The following WWOX variants were observed in gnomAD, a reference collection of about 807,000 sequenced individuals.
WWOX encodes WW domain containing oxidoreductase.
Under a neutral mutation model 46.2 loss-of-function variants are expected in WWOX, and 69 were observed. That is an observed-to-expected ratio of 1.49 (90% CI 1.23 to 1.82). The LOEUF (loss-of-function observed/expected upper bound fraction) is 1.82. WWOX is among the 40% of genes most tolerant of loss of function. WWOX has a pLI of 0.00. For synonymous variants in WWOX, 359 were observed against 202.6 expected, an observed-to-expected ratio of 1.77 and a Z score of -6.56; for missense variants, 919 against 542.6, an observed-to-expected ratio of 1.69 and a Z score of -6.89.
At chr16:78,722,812 A>G (rs965550157) in intron 8 of WWOX, among the ~76,000 whole-genome samples, 29 of 150,924 alleles carry the variant, frequency 1.9e-4, no homozygotes, top group African/African-American at 6.1e-4. Context: ...AGGCCAAGGC[A>G]GGAGGATTGC....
chr16:78,999,528 A>C (rs551240716), intron 8 of WWOX, among the ~76,000 whole-genome samples: 7 of 152,332 alleles, frequency 4.6e-5, no homozygotes, highest in African/African-American at 1.7e-4. Context: ...AATGATCTGC[A>C]TGGAGGAAAT....
chr16:78,681,196 C>G (rs2047720597), intron 8 of WWOX, among the ~76,000 whole-genome samples: 1 of 152,002 alleles, frequency 6.6e-6, no homozygotes, highest in Non-Finnish European at 1.5e-5. Context: ...TTGCATTGAG[C>G]CGAGATCATG....
At chr16:78,846,277 G>T (rs995195868) in intron 8 of WWOX, among the ~76,000 whole-genome samples, 5 of 152,186 alleles carry the variant, frequency 3.3e-5, no homozygotes, top group Admixed American at 6.6e-5. Context: ...ACCTTGTTAT[G>T]ATGCTATTAA....
chr16:78,537,819 G>T (rs2043795584), intron 8 of WWOX, among the ~76,000 whole-genome samples: 2 of 152,240 alleles, frequency 1.3e-5, no homozygotes, highest in South Asian at 2.1e-4. Context: ...GGGAGGGCCA[G>T]AACGATCCAC....
At chr16:78,710,098 T>C (rs764535328) in intron 8 of WWOX, among the ~76,000 whole-genome samples, 1 of 152,060 alleles carries the variant, frequency 6.6e-6, no homozygotes, top group Non-Finnish European at 1.5e-5. Flanking sequence ...CGTGTGTTTC[T>C]TTTTGCTGGC....
At chr16:78,801,054 C>T (rs2050872604) in intron 8 of WWOX, among the ~76,000 whole-genome samples, 1 of 151,816 alleles carries the variant, frequency 6.6e-6, no homozygotes, top group Admixed American at 6.6e-5. Flanking sequence ...TCTCTCTCTA[C>T]CTCTTTTTTT....
chr16:78,467,055 T>G (rs369861170), intron 8 of WWOX, among the ~76,000 whole-genome samples: 16 of 152,322 alleles, frequency 1.1e-4, no homozygotes, highest in East Asian at 3.9e-4. Flanking sequence ...TGCTATTGAT[T>G]AGTTATGTGT....
chr16:78,507,350 C>A lies in WWOX; in HGVS notation c.1056+74598C>A, dbSNP rs1467828323. On this transcript the variant is annotated intron_variant, in intron 8 of 8. Coordinates refer to ENST00000566780, the MANE Select transcript of WWOX (RefSeq NM_016373.4). ...ATCAATGCTTATTTTAAGCAACTGA[C>A]CCTTGGGATAAAAATAAAAAGTCAA... Among the ~76,000 whole-genome samples the A allele has an allele frequency of 4.6e-5, 7 of 152,266 alleles. No homozygotes were observed. In the South Asian group the frequency reaches 1.0e-3, roughly 23 times the overall value.
chr16:78,920,852 G>T (rs562087703), intron 8 of WWOX, among the ~76,000 whole-genome samples: 1 of 152,306 alleles, frequency 6.6e-6, no homozygotes, highest in African/African-American at 2.4e-5. Flanking sequence ...CCAGGGACTT[G>T]TTCAAAACTC....
chr16:78,644,586 C>G (rs2046796936), intron 8 of WWOX, among the ~76,000 whole-genome samples: 1 of 152,114 alleles, frequency 6.6e-6, no homozygotes, highest in African/African-American at 2.4e-5. Flanking sequence ...CTCAGCCTCC[C>G]AAGTACCTGG....
intron 8 of WWOX, among the ~76,000 whole-genome samples, chr16:78,682,341 C>T (rs992689042): frequency 6.6e-6 from 1 of 152,172 alleles, no homozygotes; most frequent in African/African-American, 2.4e-5. Context: ...AGATGGCTCA[C>T]ACCTTTCAGC....
At chr16:78,796,806 C>A (rs1228527178) in intron 8 of WWOX, among the ~76,000 whole-genome samples, 1 of 151,410 alleles carries the variant, frequency 6.6e-6, no homozygotes, top group Non-Finnish European at 1.5e-5. Context: ...AACCTTTGAT[C>A]CCATGTTTCT....
intron 8 of WWOX, among the ~76,000 whole-genome samples, chr16:78,438,578 C>G (rs964309253): frequency 1.3e-5 from 2 of 152,054 alleles, no homozygotes. Flanking sequence ...TGTCACTTGC[C>G]TCTTAGGAGT....
At chr16:78,120,576 C>CAAA (rs11433590) in intron 4 of WWOX, among the ~76,000 whole-genome samples, 1 of 84,416 alleles carries the variant, frequency 1.2e-5, no homozygotes. Flanking sequence ...GACTCCGTCT[C>CAAA]AAAAAAAAAA....
intron 5 of WWOX, among the ~76,000 whole-genome samples, chr16:78,354,133 C>T (rs2081237371): frequency 6.6e-6 from 1 of 152,146 alleles, no homozygotes; most frequent in African/African-American, 2.4e-5. Flanking sequence ...ATCTGTGAAT[C>T]AGGAAAGACA....
chr16:78,617,674 G>A (rs1404048593), intron 8 of WWOX, among the ~76,000 whole-genome samples: 1 of 152,104 alleles, frequency 6.6e-6, no homozygotes, highest in Non-Finnish European at 1.5e-5. Flanking sequence ...ATGGCGCTCA[G>A]GTATTCCAGT....
chr16:78,646,077 G>T (rs192695955), intron 8 of WWOX, among the ~76,000 whole-genome samples: 3 of 152,014 alleles, frequency 2.0e-5, no homozygotes, highest in African/African-American at 7.2e-5. Context: ...GGGTAACTGC[G>T]CATACTCTCC....
chr16:78,388,789 G>A (rs1255400106), intron 6 of WWOX, among the ~76,000 whole-genome samples: 1 of 151,734 alleles, frequency 6.6e-6, no homozygotes, highest in African/African-American at 2.4e-5. Context: ...GGGCAACAAG[G>A]TAAAACCCCG....
intron 8 of WWOX, among the ~76,000 whole-genome samples, chr16:79,083,086 TAATG>T (rs1249077996): frequency 2.0e-5 from 3 of 152,140 alleles, no homozygotes; most frequent in East Asian, 3.9e-4. Flanking sequence ...CTAGACAAGA[TAATG>T]AATGAAGAAC....
Sources: gnomAD v4.1 joint callset for allele counts (sites outside exome capture counted in the v4.1 genomes callset) on GRCh38, gnomAD v4.1.1 for gene constraint, MANE v1.5 for transcripts, NCBI Gene and HGNC (gene_info 2026-07-23, HGNC 2026-07-21) for gene names.